Variants in SLC17A4 observed in about 807,000 individuals in gnomAD.
SLC17A4 encodes the protein solute carrier family 17 member 4.
SLC17A4 carries 33 observed loss-of-function variants against 52.5 expected under a neutral mutation model. That is an observed-to-expected ratio of 0.63 (90% CI 0.48 to 0.84). The LOEUF (loss-of-function observed/expected upper bound fraction) is 0.84. Among genes scored for constraint, SLC17A4 ranks in the 40% least tolerant of loss-of-function variants. The pLI, the probability that SLC17A4 is intolerant of heterozygous loss-of-function variation, is 0.00. For synonymous variants in SLC17A4, 225 were observed against 216.2 expected (o/e 1.04, Z -0.36); for missense variants, 585 against 597.1 (o/e 0.98, Z 0.21).
rs1266856407 is a variant in SLC17A4 at position 25,769,109 on chromosome 6, C to T, written c.216C>T (p.Ser72=). 6.2e-7 allele frequency: 1 copy of T among 1,614,094 alleles called. No individual in the cohort carries two copies. The highest frequency in any genetic ancestry group is 2.2e-5 in the East Asian group (1 of 44,882). Reference sequence around the variant, plus strand: ...TGGTGAACAACACAGCCCCACCTAGCCAGCCCAATGCTTCCACAGAACGGC... The same window carrying T: ...TGGTGAACAACACAGCCCCACCTAGTCAGCCCAATGCTTCCACAGAACGGC... ...PAMVNNTAPP[S]QPNASTERPS... The change falls in exon 3 of 12, where the codon AGC becomes AGT. Residue 72 remains serine, a synonymous_variant. Transcript: ENST00000377905.
intron 2 of SLC17A4, among the ~76,000 whole-genome samples, chr6:25,766,407 A>G (rs1004270422): frequency 5.3e-5 from 8 of 152,202 alleles, no homozygotes; most frequent in African/African-American, 1.7e-4. Flanking sequence ...ATAGCACTCT[A>G]CCTTCTGAAG....
chr6:25,773,161 AG>A, intron 6 of SLC17A4, 113 bp from the exon 7 acceptor site: 2 of 805,412 alleles, frequency 2.5e-6, no homozygotes, highest in Non-Finnish European at 4.3e-6. Flanking sequence ...GATAGATGCC[AG>A]GAAGAGTGGT....
rs1186361962 is a variant in SLC17A4, at chr6:25,770,197, C to T, written c.428C>T (p.Ala143Val). ...GIFGAKYVVG[A>V]GLFISSFLTL... is the part of the protein sequence containing the mutation. ...TTTGGAGCCAAGTATGTGGTTGGTGCTGGCTTGTTTATTTCCTCATTCCTG... is the reference window on the plus strand; with the variant it reads ...TTTGGAGCCAAGTATGTGGTTGGTGTTGGCTTGTTTATTTCCTCATTCCTG... The change falls in exon 4 of 12, where the codon GCT becomes GTT. Residue 143 changes from alanine (A) to valine (V), a missense_variant. Transcript: ENST00000377905. 1.9e-6 allele frequency: 3 copies of T among 1,614,006 alleles called. No individual in the cohort carries two copies. Among genetic ancestry groups the T allele is most frequent in the Non-Finnish European group, 2.5e-6 (3 of 1,180,004 alleles).
At chr6:25,755,119 A>C (rs1760904161) in intron 1 of SLC17A4, among the ~76,000 whole-genome samples, 1 of 151,960 alleles carries the variant, frequency 6.6e-6, no homozygotes, top group African/African-American at 2.4e-5. Flanking sequence ...ACAGAAACTA[A>C]ATGATATATT....
At chr6:25,770,861 T>A in intron 5 of SLC17A4, 65 bp from the exon 6 acceptor site, 1 of 1,271,764 alleles carries the variant, frequency 7.9e-7, no homozygotes, top group Non-Finnish European at 1.2e-6. Flanking sequence ...CTCAGCATTG[T>A]AGAAAGCACA....
chr6:25,777,841 G>A (rs1763061327), intron 10 of SLC17A4, 85 bp from the exon 11 acceptor site: 2 of 1,086,394 alleles, frequency 1.8e-6, no homozygotes, highest in Admixed American at 3.5e-5. Flanking sequence ...GTTTGCACAG[G>A]AATATTTGCC....
At chr6:25,764,013 A>G (rs543311933) in intron 2 of SLC17A4, among the ~76,000 whole-genome samples, 46 of 152,328 alleles carry the variant, frequency 3.0e-4, no homozygotes, top group African/African-American at 1.0e-3. Context: ...CTTTCAGAAA[A>G]TCCAGGACAT....
intron 2 of SLC17A4, 128 bp from the exon 3 acceptor site, chr6:25,768,857 C>A: frequency 1.2e-6 from 1 of 865,890 alleles, no homozygotes; most frequent in Non-Finnish European, 1.8e-6. Context: ...TACACACCTA[C>A]AGAGGAATGT....
intron 1 of SLC17A4, among the ~76,000 whole-genome samples, chr6:25,761,015 TA>T (rs1741510011): frequency 6.6e-6 from 1 of 152,220 alleles, no homozygotes; most frequent in South Asian, 2.1e-4. Context: ...TTTGAGCTCA[TA>T]ATATATAGAG....
Position 25,779,133 on chromosome 6 carries a change from T to A in SLC17A4, c.1439T>A (p.Phe480Tyr). ...NISGLVFYLI[F>Y]GRADVQDWAK... is the part of the protein sequence containing the mutation. Reference sequence around the variant, plus strand: ...TCGGGCCTGGTTTTCTACCTCATCTTTGGCCGAGCAGATGTGCAGGACTGG... The same window carrying A: ...TCGGGCCTGGTTTTCTACCTCATCTATGGCCGAGCAGATGTGCAGGACTGG... The change falls in exon 12 of 12, where the codon TTT (phenylalanine) becomes TAT (tyrosine). Residue 480 changes from phenylalanine to tyrosine, a missense_variant. Coordinates refer to ENST00000377905, the MANE Select transcript of SLC17A4 (RefSeq NM_005495.3). 1.9e-6 allele frequency: 3 copies of A among 1,613,956 alleles called. No individual in the cohort carries two copies. The highest frequency in any genetic ancestry group is 2.5e-6 in the Non-Finnish European group (3 of 1,179,838).
chr6:25,759,178 G>A (rs9358887), intron 1 of SLC17A4, among the ~76,000 whole-genome samples: 5 of 151,738 alleles, frequency 3.3e-5, no homozygotes, highest in African/African-American at 4.8e-5. Context: ...ATATAATTTC[G>A]ATTTCCTTAA....
intron 1 of SLC17A4, among the ~76,000 whole-genome samples, chr6:25,757,886 T>C (rs1761161104): frequency 6.6e-6 from 1 of 152,196 alleles, no homozygotes; most frequent in Non-Finnish European, 1.5e-5. Flanking sequence ...TTCTCAGGTG[T>C]TGGGCATCAG....
At chr6:25,777,735 G>C in intron 10 of SLC17A4, 191 bp from the exon 11 acceptor site, 1 of 570,124 alleles carries the variant, frequency 1.8e-6, no homozygotes, top group Non-Finnish European at 3.1e-6. Flanking sequence ...TCATTGGTCA[G>C]TACATTTCAT....
intron 2 of SLC17A4, among the ~76,000 whole-genome samples, chr6:25,763,406 C>G (rs1761723506): frequency 6.6e-6 from 1 of 152,224 alleles, no homozygotes; most frequent in South Asian, 2.1e-4. Context: ...GTATTTCTCA[C>G]AAATGCTTAG....
At chr6:25,759,579 A>G (rs1303033190) in intron 1 of SLC17A4, among the ~76,000 whole-genome samples, 1 of 152,162 alleles carries the variant, frequency 6.6e-6, no homozygotes, top group Non-Finnish European at 1.5e-5. Context: ...GCTGTTGCTT[A>G]TAAGTTTGTT....
chr6:25,756,759 CACA>C (rs1483074812), intron 1 of SLC17A4, among the ~76,000 whole-genome samples: 1 of 152,152 alleles, frequency 6.6e-6, no homozygotes, highest in Non-Finnish European at 1.5e-5. Context: ...GCTATGAAAG[CACA>C]ACATTGCATT....
chr6:25,768,669 T>G (rs966033236), intron 2 of SLC17A4, among the ~76,000 whole-genome samples: 9 of 152,152 alleles, frequency 5.9e-5, no homozygotes, highest in African/African-American at 2.2e-4. Flanking sequence ...TCCCAGCCAA[T>G]TCTTTCTCTA....
intron 1 of SLC17A4, among the ~76,000 whole-genome samples, chr6:25,757,647 C>T (rs369231739): frequency 4.6e-5 from 7 of 152,106 alleles, no homozygotes; most frequent in African/African-American, 1.4e-4. Flanking sequence ...CCTCTCACCC[C>T]TCTTGCTAGC....
chr6:25,762,934 A>G (rs1365905270), intron 2 of SLC17A4, among the ~76,000 whole-genome samples: 1 of 152,176 alleles, frequency 6.6e-6, no homozygotes, highest in Non-Finnish European at 1.5e-5. Context: ...CTTAAAATTA[A>G]TAATACGAAG....
Sources: allele counts gnomAD v4.1 joint callset (sites outside exome capture counted in the v4.1 genomes callset), GRCh38; gene constraint gnomAD v4.1.1; transcripts MANE v1.5; gene names NCBI Gene and HGNC (gene_info 2026-07-23, HGNC 2026-07-21).